DNAH2: variants seen among roughly 807,000 people sequenced by gnomAD.
DNAH2 encodes axonemal beta dynein heavy chain 2.
In DNAH2, 323 loss-of-function variants were observed where a neutral mutation model predicts 523.5. That is an observed-to-expected ratio of 0.62 (90% CI 0.56 to 0.68). The LOEUF (loss-of-function observed/expected upper bound fraction) is 0.68. Among genes scored for constraint, DNAH2 ranks in the 30% least tolerant of loss-of-function variants. The pLI is 0.00. For synonymous variants in DNAH2, 2,093 were observed against 2,177.4 expected (o/e 0.96, Z 1.08); for missense variants, 4,907 against 5,701.5 (o/e 0.86, Z 4.49).
In DNAH2 at chr17:7,740,030, A is replaced by G. The variant is rs1597490784; in HGVS notation, c.1376+92A>G. 6.9e-6 allele frequency: 7 copies of G among 1,010,542 alleles called. No homozygotes were observed. The East Asian group carries it at 3.8e-4, about 54-fold the overall frequency. 62.6% of individuals were successfully genotyped at this position (1,010,542 alleles called of 1,614,324 possible). On this transcript the variant is annotated intron_variant, in intron 9 of 85. Coordinates refer to ENST00000572933, the MANE Select transcript of DNAH2 (RefSeq NM_020877.5). The stretch of plus-strand genomic sequence containing the variant: ...GGAGTGGCGAGAGTATGCAAAGGAA[A>G]TGGTGGAAGGACAGATCGGGATCAG...
intron 12 of DNAH2, among the ~76,000 whole-genome samples, chr17:7,751,113 C>T (rs7207148): frequency 9.3e-4 from 140 of 150,898 alleles, no homozygotes; most frequent in Admixed American, 2.2e-3. Flanking sequence ...TAAAAAAAAT[C>T]AAGTTATTTA....
At chr17:7,739,593 G>C in intron 8 of DNAH2, 140 bp from the exon 9 acceptor site, 1 of 851,622 alleles carries the variant, frequency 1.2e-6, no homozygotes, top group Non-Finnish European at 1.8e-6. Context: ...CTGGTTTTTA[G>C]ATATTTTCTT....
At chr17:7,777,356 G>C in intron 32 of DNAH2, 90 bp from the exon 33 acceptor site, 1 of 1,425,802 alleles carries the variant, frequency 7.0e-7, no homozygotes, top group Non-Finnish European at 9.8e-7. Flanking sequence ...TCAGCACCGG[G>C]TTGGAAGCGG....
At chr17:7,768,318 G>A (rs752740776) in intron 24 of DNAH2, 51 bp downstream of exon 24, 21 of 1,591,508 alleles carry the variant, frequency 1.3e-5, no homozygotes, top group African/African-American at 4.0e-5. Flanking sequence ...GCTGGCCTGC[G>A]CCACCACTTG....
At chr17:7,746,818 C>T (rs901163782) in intron 12 of DNAH2, among the ~76,000 whole-genome samples, 22 of 151,996 alleles carry the variant, frequency 1.4e-4, no homozygotes, top group African/African-American at 4.4e-4. Flanking sequence ...GAAACCCCGT[C>T]TCTACTAAAA....
intron 44 of DNAH2, among the ~76,000 whole-genome samples, chr17:7,790,807 A>G (rs1287355608): frequency 6.6e-6 from 1 of 152,024 alleles, no homozygotes; most frequent in Non-Finnish European, 1.5e-5. Flanking sequence ...TCTGGGCTCA[A>G]GTGATCCTCC....
chr17:7,762,738 G>A (rs1057078521), intron 18 of DNAH2, among the ~76,000 whole-genome samples: 3 of 152,084 alleles, frequency 2.0e-5, no homozygotes, highest in Non-Finnish European at 2.9e-5. Context: ...CCATGAGCAC[G>A]TTCACCCCAC....
Position 7,816,573 on chromosome 17 carries a change from A to T in DNAH2, c.9732A>T (p.Val3244=). 6.2e-7 allele frequency: 1 copy of T among 1,614,202 alleles called. No homozygotes were observed. The highest frequency in any genetic ancestry group is 8.5e-7 in the Non-Finnish European group (1 of 1,180,036). The change falls in exon 64 of 86, where the codon GTA becomes GTT. Residue 3244 remains valine (V), a splice_region_variant and synonymous_variant. Coordinates refer to ENST00000572933, the MANE Select transcript of DNAH2 (RefSeq NM_020877.5). ...LAEAQEKLRE[V]AEKLEMLKKQ... Reference sequence around the variant, plus strand: ...CGCTATACTCGAATCTCTCCCAGGTAGCTGAGAAACTGGAGATGCTAAAGA... The same window carrying T: ...CGCTATACTCGAATCTCTCCCAGGTTGCTGAGAAACTGGAGATGCTAAAGA...
intron 12 of DNAH2, among the ~76,000 whole-genome samples, chr17:7,752,469 G>A (rs2075713927): frequency 6.6e-6 from 1 of 152,156 alleles, no homozygotes; most frequent in African/African-American, 2.4e-5. Flanking sequence ...CCAGCACTTT[G>A]GGAGGCCGAG....
intron 20 of DNAH2, among the ~76,000 whole-genome samples, chr17:7,764,495 C>T (rs1402571279): frequency 6.7e-6 from 1 of 150,042 alleles, no homozygotes; most frequent in East Asian, 1.9e-4. Context: ...GAGTCTGGCT[C>T]TGTCACCCAG....
intron 5 of DNAH2, among the ~76,000 whole-genome samples, chr17:7,733,546 T>C (rs886086346): frequency 3.1e-4 from 47 of 150,628 alleles, no homozygotes; most frequent in African/African-American, 1.1e-3. Flanking sequence ...GGCGCGATCT[T>C]GGCTCACTGC....
intron 59 of DNAH2, 70 bp downstream of exon 59, chr17:7,804,536 G>A (rs1597719349): frequency 6.5e-7 from 1 of 1,544,012 alleles, no homozygotes; most frequent in Admixed American, 1.9e-5. Context: ...GGGAACCCAT[G>A]TTCCCCCCTT....
chr17:7,788,201 C>T lies in DNAH2; in HGVS notation c.6857C>T (p.Ser2286Phe). 6.2e-7 allele frequency: 1 copy of T among 1,608,924 alleles called. No individual in the cohort carries two copies. The highest frequency in any genetic ancestry group is 1.1e-5 in the South Asian group (1 of 90,084). Residue 2286 changes from serine (S) to phenylalanine (F), a missense_variant, in exon 44 of 86, where the codon TCC becomes TTC. Coordinates refer to ENST00000572933, the MANE Select transcript of DNAH2 (RefSeq NM_020877.5). Reference protein sequence around the residue: ...VPLPEYSGITSLCKLYSALAT... With the variant: ...VPLPEYSGITFLCKLYSALAT... ...CTGCCCGAGTACAGCGGTATCACCT[C>T]CCTCTGCAAGCTGTACTCTGCCCTG...
At chr17:7,797,630 G>A in intron 52 of DNAH2, 50 bp from the exon 53 acceptor site, 3 of 1,613,862 alleles carry the variant, frequency 1.9e-6, no homozygotes, top group Non-Finnish European at 2.5e-6. Flanking sequence ...CCCTGTGGGG[G>A]GAGGCAAACC....
intron 63 of DNAH2, among the ~76,000 whole-genome samples, chr17:7,814,765 G>A (rs928069751): frequency 1.3e-5 from 2 of 152,162 alleles, no homozygotes; most frequent in African/African-American, 2.4e-5. Flanking sequence ...CAGGAGAATC[G>A]CTTGAACCCA....
chr17:7,826,535 C>CTTTTTTTTTTTTTTTTT (rs35943055), intron 77 of DNAH2, among the ~76,000 whole-genome samples: 1 of 111,228 alleles, frequency 9.0e-6, no homozygotes. Flanking sequence ...TGCCCATCAT[C>CTTTTTTTTTTTTTTTTT]TTTTTTTTTT....
At position 7,823,867 on chromosome 17, in the gene DNAH2, G is replaced by C; in HGVS notation, c.11363G>C (p.Arg3788Pro). 6.2e-7 allele frequency: 1 copy of C among 1,614,138 alleles called. No individual in the cohort carries two copies. The highest frequency in any genetic ancestry group is 8.5e-7 in the Non-Finnish European group (1 of 1,180,028). ...GAAAATGCCTGCAATGAAATGCAAC[G>C]GATGCTGATCGTTCGCTCCCTGCGC... ...EWENACNEMQ[R>P]MLIVRSLRQD... is the part of the protein sequence containing the mutation. The change falls in exon 75 of 86, where the codon CGG becomes CCG. Residue 3788 changes from arginine (R) to proline (P), a missense_variant. Transcript: ENST00000572933.
chr17:7,808,210 A>C (rs906396633), intron 63 of DNAH2, among the ~76,000 whole-genome samples: 21 of 152,104 alleles, frequency 1.4e-4, no homozygotes, highest in Admixed American at 1.1e-3. Flanking sequence ...ATCTCTACTA[A>C]AAATACAAAA....
Position 7,740,869 on chromosome 17 carries a change from G to C in DNAH2, c.1566G>C (p.Glu522Asp), listed in dbSNP as rs754793921. The C allele has an allele frequency of 5.6e-6, 9 of 1,614,030 alleles. No homozygotes were observed. The highest frequency in any genetic ancestry group is 7.6e-6 in the Non-Finnish European group (9 of 1,179,894). Residue 522 changes from glutamate to aspartate, a missense_variant, in exon 11 of 86, where the codon GAG becomes GAC. Glu to Asp is a conservative substitution (Grantham distance 45, BLOSUM62 2). Around this residue, in one of 3 missense-constraint regions of DNAH2, gnomAD observed 2,806 missense variants for 3,190.8 expected, o/e 0.88. Transcript: ENST00000572933. ...AVDLYMLFNS[E>D]LALVNRERNK... is the part of the protein sequence containing the mutation. ...ATCTCTACATGCTGTTCAATAGCGAGCTGGCCCTGGTGAACCGTGAACGGA... is the reference window on the plus strand; with the variant it reads ...ATCTCTACATGCTGTTCAATAGCGACCTGGCCCTGGTGAACCGTGAACGGA...
Sources: gnomAD v4.1 joint callset for allele counts (sites outside exome capture counted in the v4.1 genomes callset) on GRCh38, gnomAD v4.1.1 for gene constraint, gnomAD v4.1.1 regional missense constraint, MANE v1.5 for transcripts, NCBI Gene and HGNC (gene_info 2026-07-23, HGNC 2026-07-21) for gene names.